The following FAM161A variants were observed in gnomAD, a reference collection of about 807,000 sequenced individuals.
The protein encoded by FAM161A is protein FAM161A.
Under a neutral mutation model 70.9 loss-of-function variants are expected in FAM161A, and 57 were observed. The ratio of observed to expected loss-of-function variants is 0.80; its 90% CI spans 0.65 to 1.00. FAM161A has a LOEUF of 1.00. Among genes scored for constraint, FAM161A ranks in the 50% least tolerant of loss-of-function variants. The pLI is 0.00. For synonymous variants in FAM161A, 299 were observed against 295.7 expected (o/e 1.01, Z -0.12); for missense variants, 880 against 836.0 (o/e 1.05, Z -0.65).
chr2:61,836,343 C>T, intron 4 of FAM161A: 2 of 460,066 alleles, frequency 4.3e-6, no homozygotes, highest in South Asian at 2.4e-5. Flanking sequence ...TGAGATCACA[C>T]ATATTATGCT....
chr2:61,821,886 C>A (rs942010598), downstream of FAM161A, among the ~76,000 whole-genome samples: 1 of 152,078 alleles, frequency 6.6e-6, no homozygotes, highest in Non-Finnish European at 1.5e-5. Context: ...TCTCCTGCCT[C>A]AGCCTCCTGG....
At chr2:61,838,888 A>ATTTTT (rs962221306) in intron 3 of FAM161A, among the ~76,000 whole-genome samples, 183 bp from the exon 4 acceptor site, 50 of 118,188 alleles carry the variant, frequency 4.2e-4, no homozygotes, top group African/African-American at 8.0e-4. Context: ...TTATTTATTT[A>ATTTTT]TTTATTTTTT....
At chr2:61,815,549 T>C in the FAM161A span, among the ~76,000 whole-genome samples, 1 of 119,770 alleles carries the variant, frequency 8.3e-6, no homozygotes, top group African/African-American at 3.2e-5. Context: ...TTTTTTTTTT[T>C]TTTTTTTTTT....
At position 61,840,425 on chromosome 2, in the gene FAM161A, G is replaced by C. The variant is rs370002781; in HGVS notation, c.579C>G (p.Thr193=). 21 of 1,614,050 alleles carry C rather than the reference G, an allele frequency of 1.3e-5. No homozygotes were observed. The highest frequency in any genetic ancestry group is 8.5e-7 in the Non-Finnish European group (1 of 1,180,000). The change falls in exon 3 of 7, where the codon ACC becomes ACG. Residue 193 remains threonine (T), a synonymous_variant. Transcript: ENST00000404929. Reference sequence around the variant, plus strand: ...TATTGTTGATGAGCTCCTTAGCATAGGTCATCATTCTGTTTTTCCTAGGAT... The same window carrying C: ...TATTGTTGATGAGCTCCTTAGCATACGTCATCATTCTGTTTTTCCTAGGAT... The part of the protein sequence containing the change: ...KEYPRKNRMM[T]YAKELINNMW...
At chr2:61,806,680 CTTTTTTT>C in the FAM161A span, among the ~76,000 whole-genome samples, 106 of 61,570 alleles carry the variant, frequency 1.7e-3, no homozygotes, top group African/African-American at 6.1e-3. Context: ...CTTTCCACGT[CTTTTTTT>C]TTTTTTTTTT....
intron 4 of FAM161A, among the ~76,000 whole-genome samples, chr2:61,837,431 T>C (rs1284002021): frequency 6.6e-6 from 1 of 152,210 alleles, no homozygotes; most frequent in Non-Finnish European, 1.5e-5. Context: ...ATAATTATAC[T>C]TTTAAATGAT....
At chr2:61,846,927 T>C (rs1052155593) in intron 1 of FAM161A, 1 of 455,264 alleles carries the variant, frequency 2.2e-6, no homozygotes, top group Non-Finnish European at 4.4e-6. Context: ...ATGCCTGTAA[T>C]CCCAGCACTT....
the FAM161A span, among the ~76,000 whole-genome samples, chr2:61,800,814 A>AT: frequency 5.3e-5 from 8 of 152,040 alleles, no homozygotes; most frequent in African/African-American, 1.9e-4. Context: ...ATATTTATTT[A>AT]TTTTTTTGAA....
rs370078371 is a variant in FAM161A at position 61,828,097 on chromosome 2, A to C, written c.1852-839T>G. ...AAAACAAGGAAGTACTTATCCTGAAAGTTAGAATGGTGGTTACCTCTTGGG... is the reference window on the plus strand; with the variant it reads ...AAAACAAGGAAGTACTTATCCTGAACGTTAGAATGGTGGTTACCTCTTGGG... On this transcript the variant is annotated intron_variant, in intron 5 of 6. Transcript: ENST00000404929. 9.9e-5 allele frequency among the ~76,000 whole-genome samples: 15 copies of C among 152,176 alleles called. No individual in the cohort carries two copies. The East Asian group carries it at 2.7e-3, about 27-fold the overall frequency.
the FAM161A span, among the ~76,000 whole-genome samples, chr2:61,804,600 G>C: frequency 6.6e-6 from 1 of 151,856 alleles, no homozygotes; most frequent in Non-Finnish European, 1.5e-5. Flanking sequence ...CAGGAGAATT[G>C]TCTGAACCTG....
rs377666612 is a variant in FAM161A at position 61,839,734 on chromosome 2, C to T, written c.1270G>A (p.Val424Ile). ...QAVKLKCKHK[V>I]RCPTPDFEDL... Reference sequence around the variant, plus strand: ...TCAAAATCAGGAGTTGGGCACCTAACCTTGTGTTTACACTTCAACTTTACA... The same window carrying T: ...TCAAAATCAGGAGTTGGGCACCTAATCTTGTGTTTACACTTCAACTTTACA... The change falls in exon 3 of 7, where the codon GTT becomes ATT. Residue 424 changes from valine to isoleucine, a missense_variant. Transcript: ENST00000404929. 384 of 1,614,042 alleles carry T rather than the reference C, an allele frequency of 2.4e-4. No individual in the cohort carries two copies. Among genetic ancestry groups the T allele is most frequent in the Non-Finnish European group, 3.2e-4 (375 of 1,180,042 alleles).
the FAM161A span, among the ~76,000 whole-genome samples, chr2:61,816,272 T>C: frequency 6.6e-6 from 1 of 152,086 alleles, no homozygotes; most frequent in Admixed American, 6.6e-5. Flanking sequence ...ACTTTATTTA[T>C]TACCTTACAT....
At position 61,829,796 on chromosome 2, in the gene FAM161A, C is replaced by A. The variant is rs149702931; in HGVS notation, c.1852-2538G>T. Among the ~76,000 whole-genome samples, 210 of 152,218 alleles carry A rather than the reference C, an allele frequency of 1.4e-3. 1 individual carries two copies. The highest frequency in any genetic ancestry group is 4.6e-3 in the African/African-American group (193 of 41,530). On this transcript the variant is annotated intron_variant, in intron 5 of 6. Coordinates refer to ENST00000404929, the MANE Select transcript of FAM161A (RefSeq NM_001201543.2). ...ATCCTGTGATTTCCAAGAAACAGGA[C>A]AACATAGTTTATTCTGTAAAGAATC...
At chr2:61,829,578 A>G (rs1212909305) in intron 5 of FAM161A, among the ~76,000 whole-genome samples, 1 of 152,190 alleles carries the variant, frequency 6.6e-6, no homozygotes, top group African/African-American at 2.4e-5. Flanking sequence ...GAGAAATAAG[A>G]ACTATACCCT....
the FAM161A span, among the ~76,000 whole-genome samples, chr2:61,809,062 G>A: frequency 7.2e-5 from 11 of 152,012 alleles, no homozygotes; most frequent in African/African-American, 2.2e-4. Flanking sequence ...TAGTAGAGAC[G>A]AGGTTTTGCC....
At position 61,854,005 on chromosome 2, in the gene FAM161A, A is replaced by G. The variant is rs748859882; in HGVS notation, c.37T>C (p.Ser13Pro). 1 of 1,612,984 alleles carries G rather than the reference A, an allele frequency of 6.2e-7. No individual in the cohort carries two copies. The highest frequency in any genetic ancestry group is 1.1e-5 in the South Asian group (1 of 90,934). ...TSHRVAKLVASSLQTPVNPIT... is the reference protein window; with the variant it reads ...TSHRVAKLVAPSLQTPVNPIT... ...GGATTTACCGGGGTCTGGAGACTGG[A>G]GGCCACCAGCTTCGCCACTCGGTGG... The change falls in exon 1 of 7, where the codon TCC (serine) becomes CCC (proline). Residue 13 changes from serine (S) to proline (P), a missense_variant. Ser to Pro is a moderately conservative substitution (Grantham distance 74). Coordinates refer to ENST00000404929, the MANE Select transcript of FAM161A (RefSeq NM_001201543.2).
chr2:61,809,070 G>C, the FAM161A span, among the ~76,000 whole-genome samples: 1 of 151,980 alleles, frequency 6.6e-6, no homozygotes, highest in Non-Finnish European at 1.5e-5. Flanking sequence ...ACGAGGTTTT[G>C]CCATGTTGGC....
chr2:61,845,011 C>A (rs890348232), intron 1 of FAM161A, among the ~76,000 whole-genome samples: 1 of 152,142 alleles, frequency 6.6e-6, no homozygotes, highest in Non-Finnish European at 1.5e-5. Flanking sequence ...GAACATCCAT[C>A]GCCAGGAAAC....
the FAM161A span, among the ~76,000 whole-genome samples, chr2:61,808,998 G>C: frequency 6.6e-6 from 1 of 152,026 alleles, no homozygotes; most frequent in African/African-American, 2.4e-5. Flanking sequence ...TCAGCCTCCA[G>C]AGTAGCTGGG....
Sources: gnomAD v4.1 joint callset for allele counts (sites outside exome capture counted in the v4.1 genomes callset) on GRCh38, gnomAD v4.1.1 for gene constraint, MANE v1.5 for transcripts, NCBI Gene and HGNC (gene_info 2026-07-23, HGNC 2026-07-21) for gene names.